Variants in FAXC observed in about 807,000 individuals in gnomAD.
FAXC encodes the protein failed axon connections homolog, metaxin like GST domain containing.
Under a neutral mutation model 41.9 loss-of-function variants are expected in FAXC, and 10 were observed. That is an observed-to-expected ratio of 0.24 (90% CI 0.15 to 0.41). FAXC has a LOEUF of 0.41. Among genes scored for constraint, FAXC ranks in the 10% least tolerant of loss-of-function variants. The probability of loss-of-function intolerance (pLI) is 1.00; values close to 1 mark genes in which losing one functional copy is unlikely to be tolerated. For missense variants in FAXC, 399 were observed against 510.9 expected (o/e 0.78, Z 2.11); for synonymous variants, 183 against 183.8 (o/e 1.00, Z 0.03).
chr6:99,321,749 C>A (rs1307669404), intron 4 of FAXC, among the ~76,000 whole-genome samples: 1 of 152,244 alleles, frequency 6.6e-6, no homozygotes, highest in African/African-American at 2.4e-5. Context: ...GCGAGAGAAA[C>A]AATTGTCAGT....
chr6:99,316,256 G>A (rs1772347011), intron 4 of FAXC, among the ~76,000 whole-genome samples: 1 of 150,638 alleles, frequency 6.6e-6, no homozygotes, highest in African/African-American at 2.4e-5. Flanking sequence ...ATGCAATCTT[G>A]TGTTGGTGCT....
intron 2 of FAXC, among the ~76,000 whole-genome samples, chr6:99,335,669 C>T (rs1773191297): frequency 6.6e-6 from 1 of 152,178 alleles, no homozygotes. Flanking sequence ...TTCAGGTGTG[C>T]TCTCGCCATT....
chr6:99,306,493 T>C (rs1048105119), intron 4 of FAXC, among the ~76,000 whole-genome samples: 6 of 152,028 alleles, frequency 3.9e-5, no homozygotes, highest in Non-Finnish European at 5.9e-5. Flanking sequence ...GACATCTAAG[T>C]GAAGATCTAG....
At chr6:99,294,308 G>A (rs1451991442) in intron 4 of FAXC, among the ~76,000 whole-genome samples, 2 of 152,190 alleles carry the variant, frequency 1.3e-5, no homozygotes, top group Admixed American at 6.5e-5. Context: ...TCCCGCTGGC[G>A]CCATGCCTCC....
At chr6:99,288,118 A>AT (rs1489151964) in intron 5 of FAXC, among the ~76,000 whole-genome samples, 3 of 152,226 alleles carry the variant, frequency 2.0e-5, no homozygotes, top group African/African-American at 7.2e-5. Context: ...TTCAGGAAGT[A>AT]ATAGAGAAAA....
intron 1 of FAXC, among the ~76,000 whole-genome samples, chr6:99,348,389 T>C (rs1234636310): frequency 6.6e-6 from 1 of 152,212 alleles, no homozygotes; most frequent in Non-Finnish European, 1.5e-5. Context: ...GGCCTCCATT[T>C]TCTGGTATTT....
intron 1 of FAXC, among the ~76,000 whole-genome samples, chr6:99,345,495 CT>C (rs1490299092): frequency 6.6e-6 from 1 of 152,210 alleles, no homozygotes; most frequent in African/African-American, 2.4e-5. Flanking sequence ...TCAGAAACTC[CT>C]CTCTAATTTA....
intron 1 of FAXC, among the ~76,000 whole-genome samples, chr6:99,344,372 C>A (rs1773523844): frequency 6.6e-6 from 1 of 152,142 alleles, no homozygotes; most frequent in South Asian, 2.1e-4. Flanking sequence ...TTCCCCTTGG[C>A]CCTGCCTGAG....
rs540707375 is a variant in FAXC, at chr6:99,344,160, T to G, written c.267-1127A>C. Among the ~76,000 whole-genome samples the G allele has an allele frequency of 3.3e-5, 5 of 152,244 alleles. No homozygotes were observed. The East Asian group carries it at 9.6e-4, about 29-fold the overall frequency. On this transcript the variant is annotated intron_variant, in intron 1 of 5. Coordinates refer to ENST00000389677, the MANE Select transcript of FAXC (RefSeq NM_032511.4). ...TGTATGGTTTATCATGAGGATTACA[T>G]AAGGTAATACTGTAACTATTTAGTA...
chr6:99,302,761 G>A (rs898102701), intron 4 of FAXC, among the ~76,000 whole-genome samples: 4 of 152,102 alleles, frequency 2.6e-5, no homozygotes, highest in African/African-American at 9.7e-5. Context: ...GGGTCACTGT[G>A]ATCCATTTTG....
chr6:99,289,396 A>G (rs1395764495), intron 5 of FAXC, among the ~76,000 whole-genome samples: 1 of 152,178 alleles, frequency 6.6e-6, no homozygotes, highest in African/African-American at 2.4e-5. Flanking sequence ...CATACCTGTT[A>G]TCTCAGCTAC....
intron 4 of FAXC, among the ~76,000 whole-genome samples, chr6:99,311,143 C>A (rs1423497263): frequency 6.6e-6 from 1 of 152,226 alleles, no homozygotes; most frequent in African/African-American, 2.4e-5. Flanking sequence ...ACTGAGACTT[C>A]AGCAGGGGTG....
chr6:99,291,823 G>A lies in FAXC; in HGVS notation c.824-3C>T, dbSNP rs1264381035. ...CCCCATGATGTACTTCTTATCACCT[G>A]CAGTAAATAAAGCAGAGAAGTCAAT... On this transcript the variant is annotated splice_region_variant and splice_polypyrimidine_tract_variant and intron_variant, in intron 4 of 5. Transcript: ENST00000389677. The A allele has an allele frequency of 2.5e-6, 4 of 1,609,158 alleles. No individual in the cohort carries two copies.
At chr6:99,297,297 TACTA>T (rs1256574365) in intron 4 of FAXC, among the ~76,000 whole-genome samples, 2 of 151,926 alleles carry the variant, frequency 1.3e-5, no homozygotes, top group Admixed American at 1.3e-4. Context: ...CCCCACTGAG[TACTA>T]ACTGAGCGGA....
chr6:99,290,458 T>C lies in FAXC; in HGVS notation c.940+1246A>G, dbSNP rs1171346843. On this transcript the variant is annotated intron_variant, in intron 5 of 5. Coordinates refer to ENST00000389677, the MANE Select transcript of FAXC (RefSeq NM_032511.4). ...GGCTCATGCCTGTAATCCTAGCTCT[T>C]TGGGAGGCCGAGGTGGGCAGATCAC... Among the ~76,000 whole-genome samples the C allele has an allele frequency of 2.6e-5, 4 of 152,138 alleles. No individual in the cohort carries two copies. The East Asian group carries it at 7.8e-4, about 30-fold the overall frequency.
intron 2 of FAXC, among the ~76,000 whole-genome samples, chr6:99,340,135 T>C (rs1293303356): frequency 1.3e-5 from 2 of 152,200 alleles, no homozygotes; most frequent in African/African-American, 4.8e-5. Flanking sequence ...GGTCTCACTC[T>C]GTCTCCCAGA....
Position 99,274,884 on chromosome 6 carries a change from A to AC in FAXC, c.*6279_*6280insG, listed in dbSNP as rs1770544388. 6.6e-6 allele frequency: 1 copy of AC among 152,232 alleles called. No individual in the cohort carries two copies. The highest frequency in any genetic ancestry group is 2.1e-4 in the South Asian group (1 of 4,832). The allele number at this position is 152,232 out of a possible 1,614,324, so 9.4% of individuals were successfully genotyped here. A position where few individuals can be genotyped will look rare whatever the true frequency, so the allele number is the denominator to read the frequency against. On this transcript the variant is annotated 3_prime_UTR_variant, in exon 6 of 6. Transcript: ENST00000389677. ...TTCTGATTCTGAACAATGGAAGAGG[A>AC]AAGTCATTGATTATTTTTTAAAGAG... is the stretch of plus-strand genomic sequence containing the variant.
chr6:99,302,726 CA>C (rs1338187003), intron 4 of FAXC, among the ~76,000 whole-genome samples: 1 of 152,054 alleles, frequency 6.6e-6, no homozygotes, highest in Non-Finnish European at 1.5e-5. Flanking sequence ...GAGGAATACA[CA>C]AGAGGCCATA....
intron 1 of FAXC, among the ~76,000 whole-genome samples, chr6:99,343,469 T>G (rs1773493114): frequency 6.6e-6 from 1 of 152,198 alleles, no homozygotes; most frequent in Non-Finnish European, 1.5e-5. Context: ...TCATGGGTCT[T>G]ATCTCCTTTA....
Sources: allele counts gnomAD v4.1 joint callset (sites outside exome capture counted in the v4.1 genomes callset), GRCh38; gene constraint gnomAD v4.1.1; transcripts MANE v1.5; gene names NCBI Gene and HGNC (gene_info 2026-07-23, HGNC 2026-07-21).